SOX5: variants seen among roughly 807,000 people sequenced by gnomAD.
SOX5 encodes the protein transcription factor SOX-5.
Under a neutral mutation model 92.0 loss-of-function variants are expected in SOX5, and 9 were observed. That is an observed-to-expected ratio of 0.10 (90% confidence interval 0.06 to 0.17). SOX5 has a LOEUF of 0.17. Ranked by LOEUF, SOX5 falls within the 10% of genes least tolerant of loss-of-function variation. The pLI, the probability that SOX5 is intolerant of heterozygous loss-of-function variation, is 1.00. For missense variants in SOX5, 642 were observed against 944.5 expected (o/e 0.68, Z 4.20); for synonymous variants, 344 against 336.3 (o/e 1.02, Z -0.25).
intron 2 of SOX5, among the ~76,000 whole-genome samples, chr12:24,320,773 G>A (rs1950133199): frequency 6.6e-6 from 1 of 151,796 alleles, no homozygotes; most frequent in Non-Finnish European, 1.5e-5. Context: ...GCTGAGGCAG[G>A]AGAATGGCGT....
intron 4 of SOX5, among the ~76,000 whole-genome samples, chr12:24,045,235 T>C (rs766560239): frequency 4.6e-5 from 7 of 152,206 alleles, no homozygotes; most frequent in Non-Finnish European, 1.0e-4. Context: ...TGCTTTAGGT[T>C]ATTCATTTAT....
At chr12:24,524,818 A>G (rs1950562407) in intron 1 of SOX5, among the ~76,000 whole-genome samples, 1 of 152,026 alleles carries the variant, frequency 6.6e-6, no homozygotes, top group South Asian at 2.1e-4. Flanking sequence ...GAAGTTTGGG[A>G]CTCGCCTGGG....
At chr12:24,557,063 C>T (rs1250156473) in intron 1 of SOX5, among the ~76,000 whole-genome samples, 2 of 151,874 alleles carry the variant, frequency 1.3e-5, no homozygotes, top group East Asian at 3.9e-4. Context: ...CAAACAATAC[C>T]CCTATAAGAA....
intron 1 of SOX5, among the ~76,000 whole-genome samples, chr12:24,443,204 C>T (rs973658586): frequency 6.6e-6 from 1 of 152,118 alleles, no homozygotes; most frequent in Non-Finnish European, 1.5e-5. Context: ...TGCCCCACCT[C>T]GGCCTTCCAA....
chr12:24,314,631 G>A (rs577990584), intron 2 of SOX5, among the ~76,000 whole-genome samples: 2 of 152,274 alleles, frequency 1.3e-5, no homozygotes, highest in African/African-American at 4.8e-5. Context: ...TCAGAGTCAA[G>A]GAAAAAGTCC....
intron 6 of SOX5, among the ~76,000 whole-genome samples, chr12:23,690,954 T>G (rs1041483450): frequency 6.6e-6 from 1 of 152,218 alleles, no homozygotes; most frequent in Non-Finnish European, 1.5e-5. Context: ...CCTCCCTGAC[T>G]TTCCAGACTG....
At chr12:23,966,476 A>G (rs935552855) in intron 4 of SOX5, among the ~76,000 whole-genome samples, 1 of 151,764 alleles carries the variant, frequency 6.6e-6, no homozygotes, top group African/African-American at 2.4e-5. Context: ...AATGAAGAAA[A>G]ATATATTGAA....
chr12:23,803,958 T>C (rs2095711103), intron 3 of SOX5, among the ~76,000 whole-genome samples: 1 of 152,188 alleles, frequency 6.6e-6, no homozygotes, highest in South Asian at 2.1e-4. Flanking sequence ...CAGATATCTG[T>C]TCAGGTAGTT....
At chr12:24,158,471 A>G (rs1008858835) in intron 4 of SOX5, among the ~76,000 whole-genome samples, 2 of 151,976 alleles carry the variant, frequency 1.3e-5, no homozygotes, top group African/African-American at 2.4e-5. Context: ...GAAATTCATC[A>G]ATACATATTT....
chr12:24,200,391 C>T (rs1428622932), intron 4 of SOX5, among the ~76,000 whole-genome samples: 6 of 152,018 alleles, frequency 3.9e-5, no homozygotes, highest in Admixed American at 3.9e-4. Flanking sequence ...CATCTTAAGT[C>T]TTTTATAAAT....
chr12:24,214,394 T>C (rs1958999670), intron 3 of SOX5, among the ~76,000 whole-genome samples: 1 of 152,252 alleles, frequency 6.6e-6, no homozygotes, highest in Admixed American at 6.5e-5. Flanking sequence ...TTCATAAGCT[T>C]GTCATGAACC....
At chr12:23,682,126 T>A (rs985265820) in intron 6 of SOX5, among the ~76,000 whole-genome samples, 4 of 151,754 alleles carry the variant, frequency 2.6e-5, no homozygotes, top group African/African-American at 9.7e-5. Context: ...AATTACAGAA[T>A]ACAAATTCTT....
chr12:24,322,706 C>G (rs1308585814), intron 2 of SOX5, among the ~76,000 whole-genome samples: 1 of 152,136 alleles, frequency 6.6e-6, no homozygotes, highest in Non-Finnish European at 1.5e-5. Flanking sequence ...AAAAATCTAT[C>G]TGCAAACAAG....
chr12:24,328,968 T>G (rs746272103), intron 2 of SOX5, among the ~76,000 whole-genome samples: 1 of 152,214 alleles, frequency 6.6e-6, no homozygotes. Flanking sequence ...AATATTTCTA[T>G]TGGTATTACA....
chr12:24,257,138 G>A (rs1419003973), intron 3 of SOX5, among the ~76,000 whole-genome samples: 1 of 152,188 alleles, frequency 6.6e-6, no homozygotes, highest in Admixed American at 6.5e-5. Flanking sequence ...ATGGAACCAT[G>A]TTTTAAATGT....
At chr12:23,653,422 A>G (rs921003724) in intron 7 of SOX5, among the ~76,000 whole-genome samples, 14 of 152,036 alleles carry the variant, frequency 9.2e-5, no homozygotes, top group Admixed American at 8.5e-4. Flanking sequence ...TGATACTTCA[A>G]CACTCTTGGA....
Position 24,389,063 on chromosome 12 carries a change from G to A in SOX5, c.-250-20424C>T, listed in dbSNP as rs1441560136. Among the ~76,000 whole-genome samples the A allele has an allele frequency of 4.6e-5, 7 of 151,780 alleles. No individual in the cohort carries two copies. The East Asian group carries it at 7.7e-4, about 17-fold the overall frequency. On this transcript the variant is annotated intron_variant, in intron 1 of 4. Coordinates refer to the SOX5 transcript ENST00000446891. ...GCTGGTGTGCTGCACCCATTAACTC[G>A]TCATTTAGCATTAGGTATATCTCCT...
At chr12:24,472,104 T>C (rs1944880182) in intron 1 of SOX5, among the ~76,000 whole-genome samples, 1 of 152,194 alleles carries the variant, frequency 6.6e-6, no homozygotes, top group African/African-American at 2.4e-5. Flanking sequence ...ATGAGTCTAA[T>C]TGCCTTTTTT....
intron 4 of SOX5, among the ~76,000 whole-genome samples, chr12:24,032,554 A>G (rs551030421): frequency 4.6e-5 from 7 of 151,904 alleles, no homozygotes; most frequent in Admixed American, 2.0e-4. Context: ...CAAATTTTGT[A>G]TGAAGAATTA....
Sources: allele counts gnomAD v4.1 joint callset (sites outside exome capture counted in the v4.1 genomes callset), GRCh38; gene constraint gnomAD v4.1.1; transcripts MANE v1.5; gene names NCBI Gene and HGNC (gene_info 2026-07-23, HGNC 2026-07-21).